The following PRKD2 variants were observed in gnomAD, a reference collection of about 807,000 sequenced individuals.
PRKD2 encodes serine/threonine-protein kinase D2.
A neutral mutation model predicts 86.0 loss-of-function variants in PRKD2; 22 were observed. The observed-to-expected ratio is 0.26, with a 90% confidence interval of 0.18 to 0.37. The LOEUF (loss-of-function observed/expected upper bound fraction) is 0.37, where lower values mean the gene tolerates loss of function less well. PRKD2 is among the 10% of genes least tolerant of loss of function. PRKD2 has a pLI of 1.00. For synonymous variants in PRKD2, 509 were observed against 510.9 expected (o/e 1.00, Z 0.05); for missense variants, 818 against 1,199.2 (o/e 0.68, Z 4.70).
intron 14 of PRKD2, among the ~76,000 whole-genome samples, chr19:46,687,569 T>G (rs2053420137): frequency 6.6e-6 from 1 of 152,166 alleles, no homozygotes; most frequent in Admixed American, 6.6e-5. Context: ...AAAAGGGGAT[T>G]GATAATAATA....
intron 13 of PRKD2, among the ~76,000 whole-genome samples, 171 bp downstream of exon 13, chr19:46,690,429 C>G (rs2053466943): frequency 6.6e-6 from 1 of 152,218 alleles, no homozygotes; most frequent in African/African-American, 2.4e-5. Flanking sequence ...ACCTCATGCT[C>G]CCTCTCACCA....
rs375825187 is a variant in PRKD2, at chr19:46,699,065, A to C, written c.1122-1215T>G. ...TGTCGTCACTGTGACTGGCTTACCC[A>C]TCCCCTTTCTGTCCAACCCTCTTCC... On this transcript the variant is annotated intron_variant, in intron 7 of 17. Transcript: ENST00000291281. 4.6e-5 allele frequency among the ~76,000 whole-genome samples: 7 copies of C among 152,146 alleles called. No homozygotes were observed. The East Asian group carries it at 1.2e-3, about 25-fold the overall frequency.
intron 14 of PRKD2, among the ~76,000 whole-genome samples, chr19:46,682,473 C>T (rs1233443152): frequency 6.6e-6 from 1 of 151,948 alleles, no homozygotes; most frequent in Non-Finnish European, 1.5e-5. Flanking sequence ...CCATGCCTTC[C>T]TACACACCCC....
chr19:46,680,913 G>A (rs2053288832), intron 15 of PRKD2, among the ~76,000 whole-genome samples: 1 of 94,108 alleles, frequency 1.1e-5, no homozygotes. Context: ...AGTGCTATAT[G>A]TTGGGATAAA....
At chr19:46,701,400 C>A (rs1446692972) in intron 5 of PRKD2, among the ~76,000 whole-genome samples, 1 of 151,816 alleles carries the variant, frequency 6.6e-6, no homozygotes, top group Non-Finnish European at 1.5e-5. Context: ...GAGAGCAGAT[C>A]ATTTGAGGTC....
At chr19:46,714,822 G>A (rs1023566636) in intron 1 of PRKD2, among the ~76,000 whole-genome samples, 30 of 152,198 alleles carry the variant, frequency 2.0e-4, no homozygotes, top group Admixed American at 1.1e-3. Context: ...GAGTTGGGGT[G>A]GTGAGCTGGG....
At chr19:46,714,439 C>CGAGCTG in intron 1 of PRKD2, 1 of 225,396 alleles carries the variant, frequency 4.4e-6, no homozygotes, top group Non-Finnish European at 5.8e-6. Context: ...TGGGGTGGGG[C>CGAGCTG]GAGCTGGAAG....
At chr19:46,708,261 T>A (rs950511547) in intron 3 of PRKD2, among the ~76,000 whole-genome samples, 1 of 151,582 alleles carries the variant, frequency 6.6e-6, no homozygotes, top group African/African-American at 2.4e-5. Context: ...TAATTAAGGT[T>A]AATTGAGGCC....
Position 46,707,521 on chromosome 19 carries a change from T to G in PRKD2, c.512-2872A>C, listed in dbSNP as rs558298003. On this transcript the variant is annotated intron_variant, in intron 3 of 17. Transcript: ENST00000291281. ...AGGAGAATTGCTTGAACCCAGGAGG[T>G]AGAGGTTGCAGTGAGCCAAGACCAC... Among the ~76,000 whole-genome samples, 8 of 151,802 alleles carry G rather than the reference T, an allele frequency of 5.3e-5. No homozygotes were observed. In the South Asian group the frequency reaches 1.3e-3, roughly 24 times the overall value.
chr19:46,684,779 A>G (rs1178669548), intron 14 of PRKD2, among the ~76,000 whole-genome samples: 1 of 151,870 alleles, frequency 6.6e-6, no homozygotes, highest in East Asian at 2.0e-4. Flanking sequence ...CCTGATCGAC[A>G]TGGTGAAACC....
chr19:46,691,653 G>A, intron 12 of PRKD2, 82 bp downstream of exon 12: 1 of 1,378,898 alleles, frequency 7.3e-7, no homozygotes, highest in Non-Finnish European at 1.0e-6. Context: ...AGGAAGGGTT[G>A]GAGCCAGAAA....
chr19:46,686,624 C>T (rs2053401738), intron 14 of PRKD2, among the ~76,000 whole-genome samples: 1 of 151,786 alleles, frequency 6.6e-6, no homozygotes, highest in South Asian at 2.1e-4. Flanking sequence ...TGCACTCCAG[C>T]CTGGGTGACA....
Position 46,678,630 on chromosome 19 carries a change from TG to T in PRKD2, c.2103del (p.Ile702SerfsTer38). On this transcript the variant is annotated frameshift_variant, in exon 16 of 18. Coordinates refer to ENST00000291281, the MANE Select transcript of PRKD2 (RefSeq NM_016457.5). LOFTEE classifies it high-confidence loss of function. The surrounding 1 kb of genome is among the most constrained non-coding windows in gnomAD (Gnocchi z 5.7). ...GAGCGGCGGAACGACTTCTCGCCGA[TG>T]ATGCGAGCAAAGCCAAAGTCACACA... The part of the protein sequence containing the change: ...VKLCDFGFAR[I>X]IGEKSFRRSV... 1 of 1,609,080 alleles carries T rather than the reference TG, an allele frequency of 6.2e-7. No individual in the cohort carries two copies. The highest frequency in any genetic ancestry group is 8.5e-7 in the Non-Finnish European group (1 of 1,179,968).
intron 12 of PRKD2, among the ~76,000 whole-genome samples, chr19:46,691,442 A>G (rs2053482528): frequency 6.6e-6 from 1 of 152,120 alleles, no homozygotes; most frequent in South Asian, 2.1e-4. Flanking sequence ...TCTGTGGTCA[A>G]TCAGAGTGCA....
At chr19:46,697,519 C>A (rs1599829242) in intron 8 of PRKD2, among the ~76,000 whole-genome samples, 1 of 150,956 alleles carries the variant, frequency 6.6e-6, no homozygotes, top group East Asian at 2.0e-4. Context: ...CCTGACCTTG[C>A]CCTGAGCCCC....
chr19:46,696,645 G>A (rs2053562476), intron 9 of PRKD2, among the ~76,000 whole-genome samples: 2 of 151,844 alleles, frequency 1.3e-5, no homozygotes, highest in African/African-American at 2.4e-5. Flanking sequence ...GTAGTCCTAG[G>A]GTGGGAGGCT....
chr19:46,674,861 C>A, intron 17 of PRKD2, 126 bp from the exon 18 acceptor site: 1 of 1,207,786 alleles, frequency 8.3e-7, no homozygotes. Context: ...ACCCACCCAG[C>A]CAGTAGACAT....
intron 15 of PRKD2, among the ~76,000 whole-genome samples, chr19:46,680,388 A>G (rs2053279358): frequency 6.6e-6 from 1 of 151,834 alleles, no homozygotes; most frequent in Non-Finnish European, 1.5e-5. Flanking sequence ...TCCTGGGTTC[A>G]AGCAATTCTC....
At chr19:46,702,251 G>C (rs376957835) in intron 5 of PRKD2, among the ~76,000 whole-genome samples, 1 of 151,930 alleles carries the variant, frequency 6.6e-6, no homozygotes, top group South Asian at 2.1e-4. Flanking sequence ...TGTTGTACAA[G>C]CTGGTCTTGA....
Sources: gnomAD v4.1 joint callset for allele counts (sites outside exome capture counted in the v4.1 genomes callset) on GRCh38, gnomAD v4.1.1 for gene constraint, Gnocchi (gnomAD v3.1) non-coding constraint, MANE v1.5 for transcripts, NCBI Gene and HGNC (gene_info 2026-07-23, HGNC 2026-07-21) for gene names.